SHROOM2: variants seen among roughly 807,000 people sequenced by gnomAD.
SHROOM2 encodes the protein protein Shroom2.
In SHROOM2, 33 loss-of-function variants were observed where a neutral mutation model predicts 75.9. The observed-to-expected ratio is 0.43, with a 90% CI of 0.33 to 0.58. The LOEUF (loss-of-function observed/expected upper bound fraction) is 0.58, where lower values mean the gene tolerates loss of function less well. Ranked by LOEUF, SHROOM2 falls within the 20% of genes least tolerant of loss-of-function variation. SHROOM2 has a pLI of 0.04. For synonymous variants in SHROOM2, 655 were observed against 663.6 expected, an observed-to-expected ratio of 0.99 and a Z score of 0.20; for missense variants, 1,434 against 1,461.2, an observed-to-expected ratio of 0.98 and a Z score of 0.30.
Position 9,947,011 on chromosome X carries a change from A to AC in SHROOM2, c.*78dup, listed in dbSNP as rs763272102. ...TCCGTTCCCAAGGATACTCGTGAAGACCCCATCTGTGTTCATGGCCTGGAA... is the reference window on the plus strand; with the variant it reads ...TCCGTTCCCAAGGATACTCGTGAAGACCCCCATCTGTGTTCATGGCCTGGAA... On this transcript the variant is annotated 3_prime_UTR_variant, in exon 10 of 10. Transcript: ENST00000380913. 1 of 1,007,327 alleles carries AC rather than the reference A, an allele frequency of 9.9e-7. No homozygotes were observed. 83.0% of individuals were successfully genotyped at this position (1,007,327 alleles called of 1,213,427 possible).
intron 2 of SHROOM2, among the ~76,000 whole-genome samples, chrX:9,875,105 A>G (rs1481766656): frequency 1.0e-5 from 1 of 100,447 alleles, no homozygotes; most frequent in African/African-American, 3.6e-5. Flanking sequence ...AAAAAAAAAA[A>G]AAAAAGGGGA....
rs144161839 is a variant in SHROOM2, at chrX:9,833,608, C to CTGTGTGTGTGTGTGTGTG, written c.166-40023_166-40006dup. Among the ~76,000 whole-genome samples the CTGTGTGTGTGTGTGTGTG allele has an allele frequency of 5.0e-3, 476 of 95,358 alleles. 12 individuals are homozygous for CTGTGTGTGTGTGTGTGTG. In the East Asian group the frequency reaches 0.065, roughly 13 times the overall value. 82.8% of individuals were successfully genotyped at this position (95,358 alleles called of 115,157 possible). On this transcript the variant is annotated intron_variant, in intron 1 of 9. Transcript: ENST00000380913. The stretch of plus-strand genomic sequence containing the variant: ...CAATGAAGAGACACACAAGTAGACT[C>CTGTGTGTGTGTGTGTGTG]TGTGTGTGTGTGTGTGTGTGTGTGT...
chrX:9,946,643 C>T, intron 9 of SHROOM2, 28 bp from the exon 10 acceptor site: 1 of 1,193,334 alleles, frequency 8.4e-7, no homozygotes, highest in Non-Finnish European at 1.1e-6. Flanking sequence ...CATCCTGGTC[C>T]TCAACAGGCT....
chrX:9,828,257 C>T (rs1000810254), intron 1 of SHROOM2, among the ~76,000 whole-genome samples: 11 of 112,184 alleles, frequency 9.8e-5, no homozygotes, highest in African/African-American at 3.2e-4. Context: ...TATCCAATCA[C>T]CTTCTACCTG....
chrX:9,900,319 A>G (rs1405179615), intron 5 of SHROOM2, among the ~76,000 whole-genome samples: 1 of 111,546 alleles, frequency 9.0e-6, no homozygotes, highest in Non-Finnish European at 1.9e-5. Flanking sequence ...GAAAGAATAC[A>G]CTTGAAAAAT....
At chrX:9,874,920 AT>A (rs1418850257) in intron 2 of SHROOM2, among the ~76,000 whole-genome samples, 1 of 104,044 alleles carries the variant, frequency 9.6e-6, no homozygotes. Context: ...CTCTCAAAAA[AT>A]TTTTTTTTAA....
At chrX:9,850,971 G>C (rs1252895498) in intron 1 of SHROOM2, among the ~76,000 whole-genome samples, 1 of 111,637 alleles carries the variant, frequency 9.0e-6, no homozygotes, top group Non-Finnish European at 1.9e-5. Context: ...TGGTAGACCA[G>C]CGTGGCCTTA....
Position 9,932,277 on chromosome X carries a change from C to T in SHROOM2, c.2994C>T (p.Cys998=), listed in dbSNP as rs748321883. ...CCACATTCTCTGAACTATCTCACTG[C>T]CGGGGAGCCCCAGAGCTGCCCCGGG... ...NPPTFSELSH[C]RGAPELPREG... Residue 998 remains cysteine (C), a synonymous_variant, in exon 6 of 10, where the codon TGC becomes TGT. Coordinates refer to ENST00000380913, the MANE Select transcript of SHROOM2 (RefSeq NM_001649.4). The T allele has an allele frequency of 3.2e-5, 38 of 1,197,942 alleles. No individual in the cohort carries two copies. The East Asian group carries it at 1.0e-3, about 32-fold the overall frequency.
intron 1 of SHROOM2, among the ~76,000 whole-genome samples, chrX:9,807,909 A>G (rs1466757437): frequency 4.5e-5 from 5 of 111,041 alleles, no homozygotes; most frequent in Non-Finnish European, 9.4e-5. Flanking sequence ...GAGGTCAGAG[A>G]GGGGCGTGGT....
In SHROOM2 at chrX:9,944,665, C is replaced by G; in HGVS notation, c.4336C>G (p.Arg1446Gly). The G allele has an allele frequency of 8.3e-7, 1 of 1,208,857 alleles. No individual in the cohort carries two copies. Among genetic ancestry groups the G allele is most frequent in the African/African-American group, 1.7e-5 (1 of 57,812 alleles). ...KKQELIESIS[R>G]KLQVLREARE... ...GCAGGAGCTCATCGAGAGCATCAGC[C>G]GCAAGCTGCAGGTGCTCCGGGAGGC... Residue 1446 changes from arginine to glycine, a missense_variant, in exon 9 of 10, where the codon CGC (arginine) becomes GGC (glycine). Physicochemically the swap from Arg to Gly is moderately radical, Grantham distance 125 (BLOSUM62 -2). Coordinates refer to ENST00000380913, the MANE Select transcript of SHROOM2 (RefSeq NM_001649.4).
At chrX:9,867,234 C>T (rs2084145098) in intron 1 of SHROOM2, among the ~76,000 whole-genome samples, 1 of 111,075 alleles carries the variant, frequency 9.0e-6, no homozygotes, top group Admixed American at 9.6e-5. Flanking sequence ...TAATCGGGGC[C>T]ATAAGAGTGA....
In SHROOM2 at chrX:9,937,272, G is replaced by T. The variant is rs892343203; in HGVS notation, c.3726G>T (p.Leu1242=). ...AGCCACCTGCCCTGCCCCACGGGCT[G>T]GAGAAAGACCAGATCAAGACGCTGA... ...PAEPPALPHG[L]EKDQIKTLST... Residue 1242 remains leucine (L), a synonymous_variant, in exon 7 of 10, where the codon CTG becomes CTT. Coordinates refer to ENST00000380913, the MANE Select transcript of SHROOM2 (RefSeq NM_001649.4). 1.7e-6 allele frequency: 2 copies of T among 1,210,843 alleles called. No homozygotes were observed. The highest frequency in any genetic ancestry group is 2.2e-6 in the Non-Finnish European group (2 of 895,006).
At chrX:9,806,447 AATG>A (rs1275701030) in intron 1 of SHROOM2, among the ~76,000 whole-genome samples, 6 of 109,114 alleles carry the variant, frequency 5.5e-5, no homozygotes, top group African/African-American at 2.0e-4. Flanking sequence ...GAAATACATT[AATG>A]ATCTAGATTG....
intron 1 of SHROOM2, among the ~76,000 whole-genome samples, chrX:9,839,977 G>A (rs1454473474): frequency 9.0e-6 from 1 of 111,653 alleles, no homozygotes; most frequent in Non-Finnish European, 1.9e-5. Context: ...TACTCTATTT[G>A]AGGTCATCGG....
At chrX:9,834,952 G>A (rs1272805784) in intron 1 of SHROOM2, among the ~76,000 whole-genome samples, 1 of 112,729 alleles carries the variant, frequency 8.9e-6, no homozygotes, top group East Asian at 2.8e-4. Flanking sequence ...GCAGAAACAG[G>A]TGGCGCTCCA....
intron 1 of SHROOM2, among the ~76,000 whole-genome samples, chrX:9,841,394 T>G (rs755894876): frequency 9.8e-5 from 11 of 112,255 alleles, no homozygotes; most frequent in Non-Finnish European, 1.3e-4. Flanking sequence ...AATCGTTTCA[T>G]TTGCCTTCTC....
intron 1 of SHROOM2, among the ~76,000 whole-genome samples, chrX:9,810,524 A>G (rs1323122825): frequency 2.7e-5 from 3 of 110,985 alleles, no homozygotes; most frequent in African/African-American, 9.8e-5. Context: ...CCAGGTGGCA[A>G]TCTGAACTTC....
intron 1 of SHROOM2, among the ~76,000 whole-genome samples, chrX:9,820,212 G>A (rs2083846474): frequency 1.0e-5 from 1 of 97,004 alleles, no homozygotes; most frequent in Admixed American, 1.2e-4. Context: ...TTGTCCAGTA[G>A]AGTCTCATCA....
intron 1 of SHROOM2, among the ~76,000 whole-genome samples, chrX:9,868,871 C>A (rs1173091908): frequency 9.2e-6 from 1 of 108,534 alleles, no homozygotes; most frequent in Non-Finnish European, 1.9e-5. Context: ...TGAGCCACTG[C>A]TCTCAGCCCT....
Sources: allele counts gnomAD v4.1 joint callset (sites outside exome capture counted in the v4.1 genomes callset), GRCh38; gene constraint gnomAD v4.1.1; transcripts MANE v1.5; gene names NCBI Gene and HGNC (gene_info 2026-07-23, HGNC 2026-07-21).